The following NCKAP5 variants were observed in gnomAD, a reference collection of about 807,000 sequenced individuals.
NCKAP5 encodes the protein NCK associated protein 5.
In NCKAP5, 92 loss-of-function variants were observed where a neutral mutation model predicts 167.0. That is an observed-to-expected ratio of 0.55 (90% CI 0.47 to 0.66). The LOEUF (loss-of-function observed/expected upper bound fraction) is 0.66. NCKAP5 is among the 30% of genes least tolerant of loss of function. NCKAP5 has a pLI of 0.00. For synonymous variants in NCKAP5, 891 were observed against 877.4 expected, an observed-to-expected ratio of 1.02 and a Z score of -0.27; for missense variants, 2,378 against 2,315.0, an observed-to-expected ratio of 1.03 and a Z score of -0.56.
At chr2:132,741,428 C>CGT (rs1679184433) in intron 16 of NCKAP5, among the ~76,000 whole-genome samples, 1 of 152,036 alleles carries the variant, frequency 6.6e-6, no homozygotes, top group South Asian at 2.1e-4. Flanking sequence ...CTAATGTGAC[C>CGT]ACTACAGTTT....
At chr2:133,454,460 A>C (rs1285980716) in intron 3 of NCKAP5, among the ~76,000 whole-genome samples, 1 of 152,088 alleles carries the variant, frequency 6.6e-6, no homozygotes, top group East Asian at 1.9e-4. Flanking sequence ...ATTCATATCA[A>C]ATCATGTAAT....
intron 2 of NCKAP5, among the ~76,000 whole-genome samples, chr2:133,527,732 T>C (rs968168552): frequency 6.6e-6 from 1 of 152,268 alleles, no homozygotes; most frequent in Admixed American, 6.5e-5. Flanking sequence ...GAGACTGATA[T>C]TCATTTGTTG....
At chr2:133,538,921 G>T (rs12986715) in intron 2 of NCKAP5, among the ~76,000 whole-genome samples, 34,494 of 131,142 alleles carry the variant, frequency 0.26, 4,913 homozygotes, top group Non-Finnish European at 0.32. Context: ...TTTTTTTGTG[G>T]TTTTTTTGGG....
chr2:133,321,580 C>T lies in NCKAP5; in HGVS notation c.70-18470G>A, dbSNP rs542013849. The stretch of plus-strand genomic sequence containing the variant: ...AAAGCCATACATTTGAAGACTACAT[C>T]TATCCCTTAGACTGAAAAGTCAGAC... On this transcript the variant is annotated intron_variant, in intron 3 of 19. Coordinates refer to ENST00000409261, the MANE Select transcript of NCKAP5 (RefSeq NM_207363.3). 3.3e-5 allele frequency among the ~76,000 whole-genome samples: 5 copies of T among 152,298 alleles called. No individual in the cohort carries two copies. In the South Asian group the frequency reaches 1.0e-3, roughly 32 times the overall value.
Position 133,539,805 on chromosome 2 carries a change from G to A in NCKAP5, c.-62+19245C>T, listed in dbSNP as rs557648280. 2.0e-5 allele frequency among the ~76,000 whole-genome samples: 3 copies of A among 152,278 alleles called. No homozygotes were observed. In the South Asian group the frequency reaches 6.2e-4, roughly 32 times the overall value. On this transcript the variant is annotated intron_variant, in intron 2 of 19. Transcript: ENST00000409261. ...CTCCAAAATGTATCCAAGGAATTCT[G>A]AAAAGAGAAAATAGAATAACATAGA...
chr2:133,388,479 C>T (rs1574857829), intron 3 of NCKAP5, among the ~76,000 whole-genome samples: 2 of 152,202 alleles, frequency 1.3e-5, no homozygotes, highest in South Asian at 4.1e-4. Flanking sequence ...ATAGGCTACT[C>T]GGGGGTCAGG....
At chr2:132,762,924 T>C (rs545166962) in intron 16 of NCKAP5, among the ~76,000 whole-genome samples, 1 of 152,340 alleles carries the variant, frequency 6.6e-6, no homozygotes, top group South Asian at 2.1e-4. Context: ...AGACATATTC[T>C]GGTAGGCTGG....
chr2:133,309,881 T>G (rs1270171554), intron 3 of NCKAP5, among the ~76,000 whole-genome samples: 1 of 152,108 alleles, frequency 6.6e-6, no homozygotes, highest in Non-Finnish European at 1.5e-5. Context: ...GATCCAAAAA[T>G]CCCTCCAAAT....
At chr2:133,069,097 A>G (rs7588709) in intron 6 of NCKAP5, among the ~76,000 whole-genome samples, 122,393 of 152,148 alleles carry the variant, frequency 0.8, 50,029 homozygotes, top group East Asian at 0.97. Flanking sequence ...CTGACTTGAG[A>G]AACCAATATT....
chr2:132,984,055 G>A (rs550820836), intron 7 of NCKAP5, among the ~76,000 whole-genome samples: 8 of 152,228 alleles, frequency 5.3e-5, no homozygotes, highest in South Asian at 2.1e-4. Context: ...CCAAGAGTTC[G>A]AGACCAGCCA....
At chr2:132,700,857 A>G (rs1687802206) in intron 19 of NCKAP5, among the ~76,000 whole-genome samples, 1 of 147,318 alleles carries the variant, frequency 6.8e-6, no homozygotes, top group African/African-American at 2.5e-5. Context: ...ATCCATTTCA[A>G]CTTTCAAATT....
chr2:132,796,973 A>AG (rs1485034926), intron 11 of NCKAP5, among the ~76,000 whole-genome samples: 1 of 152,196 alleles, frequency 6.6e-6, no homozygotes, highest in East Asian at 1.9e-4. Flanking sequence ...CTTGGAAGAT[A>AG]TGTAGTAGAA....
intron 5 of NCKAP5, among the ~76,000 whole-genome samples, chr2:133,160,414 TTTTTTTTTCTTTTCCTTTCTTTTTC>T (rs1184266191): frequency 3.6e-5 from 5 of 139,656 alleles, no homozygotes; most frequent in African/African-American, 1.4e-4. Flanking sequence ...CATTCTTTTT[TTTTTTTTTCTTTTCCTTTCTTTTTC>T]TTTTTTTTTT....
chr2:133,435,581 G>A (rs2151141163), intron 3 of NCKAP5, among the ~76,000 whole-genome samples: 1 of 152,282 alleles, frequency 6.6e-6, no homozygotes, highest in Non-Finnish European at 1.5e-5. Context: ...GAGAGAGTAG[G>A]CAAGAGAAAG....
chr2:132,888,634 A>T (rs1255433416), intron 8 of NCKAP5, among the ~76,000 whole-genome samples: 1 of 151,926 alleles, frequency 6.6e-6, no homozygotes, highest in East Asian at 1.9e-4. Context: ...CAAGTGATCC[A>T]CCCACCTCAG....
intron 11 of NCKAP5, among the ~76,000 whole-genome samples, chr2:132,831,925 T>G (rs1363703027): frequency 6.6e-6 from 1 of 152,060 alleles, no homozygotes; most frequent in Non-Finnish European, 1.5e-5. Context: ...CATTGATGAA[T>G]CCCTATTGTT....
the NCKAP5 span, among the ~76,000 whole-genome samples, chr2:133,610,261 C>T: frequency 6.6e-6 from 1 of 152,126 alleles, no homozygotes; most frequent in Non-Finnish European, 1.5e-5. Flanking sequence ...AGCAATTCTG[C>T]AAGTACCCCA....
chr2:132,860,161 C>A (rs1360165631), intron 11 of NCKAP5, among the ~76,000 whole-genome samples: 2 of 152,180 alleles, frequency 1.3e-5, no homozygotes, highest in African/African-American at 2.4e-5. Flanking sequence ...TTGATTATCA[C>A]AGTATGCAAG....
At chr2:133,135,399 G>A (rs1313933766) in intron 5 of NCKAP5, among the ~76,000 whole-genome samples, 1 of 152,064 alleles carries the variant, frequency 6.6e-6, no homozygotes. Context: ...ATAGGACGCA[G>A]GTGGAAAAGA....
Sources: allele counts gnomAD v4.1 joint callset (sites outside exome capture counted in the v4.1 genomes callset), GRCh38; gene constraint gnomAD v4.1.1; transcripts MANE v1.5; gene names NCBI Gene and HGNC (gene_info 2026-07-23, HGNC 2026-07-21).